Variants in FNIP1 observed in about 807,000 individuals in gnomAD.
FNIP1 encodes folliculin interacting protein 1.
In FNIP1, 40 loss-of-function variants were observed where a neutral mutation model predicts 124.5. The observed-to-expected ratio is 0.32, with a 90% CI of 0.25 to 0.42. The LOEUF (loss-of-function observed/expected upper bound fraction) is 0.42. Among genes scored for constraint, FNIP1 ranks in the 10% least tolerant of loss-of-function variants. The pLI is 1.00. For synonymous variants in FNIP1, 472 were observed against 470.6 expected (o/e 1.00, Z -0.04); for missense variants, 1,176 against 1,403.7 (o/e 0.84, Z 2.59).
At chr5:131,693,343 T>TATATAC (rs1768572227) in intron 11 of FNIP1, among the ~76,000 whole-genome samples, 9 of 129,276 alleles carry the variant, frequency 7.0e-5, no homozygotes, top group Admixed American at 1.6e-4. Context: ...CATATATATA[T>TATATAC]ATATATATAT....
At chr5:131,645,309 C>CAAAA (rs34663555) in intron 17 of FNIP1, among the ~76,000 whole-genome samples, 1 of 132,464 alleles carries the variant, frequency 7.5e-6, no homozygotes, top group Non-Finnish European at 1.6e-5. Context: ...GACCCTGTCT[C>CAAAA]AAAAAAAAAA....
chr5:131,725,762 C>A (rs555055353), intron 3 of FNIP1, among the ~76,000 whole-genome samples: 4 of 152,282 alleles, frequency 2.6e-5, no homozygotes, highest in Admixed American at 2.6e-4. Context: ...AGAGGATATC[C>A]TTATCTTGTG....
chr5:131,791,968 T>G (rs1772419931), intron 1 of FNIP1, among the ~76,000 whole-genome samples: 1 of 152,010 alleles, frequency 6.6e-6, no homozygotes, highest in African/African-American at 2.4e-5. Context: ...GGGCCCAAAC[T>G]AAGTGGTTTT....
chr5:131,790,165 G>A (rs1336119191), intron 1 of FNIP1, among the ~76,000 whole-genome samples: 7 of 152,172 alleles, frequency 4.6e-5, no homozygotes, highest in African/African-American at 1.4e-4. Flanking sequence ...GAACTTGGGG[G>A]AGACAAATTA....
chr5:131,680,171 G>A (rs1261191415), intron 11 of FNIP1, among the ~76,000 whole-genome samples: 1 of 152,166 alleles, frequency 6.6e-6, no homozygotes, highest in Non-Finnish European at 1.5e-5. Flanking sequence ...TGTGGCTGAC[G>A]GCTGAGATTT....
chr5:131,667,493 T>C (rs1041368325), intron 15 of FNIP1, among the ~76,000 whole-genome samples: 2 of 152,222 alleles, frequency 1.3e-5, no homozygotes, highest in Admixed American at 6.5e-5. Flanking sequence ...TTAAACCTTA[T>C]TGGCTAACAA....
At chr5:131,645,182 C>T (rs1337885217) in intron 17 of FNIP1, among the ~76,000 whole-genome samples, 1 of 151,706 alleles carries the variant, frequency 6.6e-6, no homozygotes, top group Non-Finnish European at 1.5e-5. Flanking sequence ...ACTAGCTGGG[C>T]ATGGTGGTGT....
chr5:131,766,538 G>A (rs1487385353), intron 1 of FNIP1, among the ~76,000 whole-genome samples: 1 of 152,230 alleles, frequency 6.6e-6, no homozygotes, highest in African/African-American at 2.4e-5. Flanking sequence ...GGGTTCTCTA[G>A]AGAGGTGGAA....
chr5:131,719,235 G>A, intron 4 of FNIP1, 82 bp downstream of exon 4: 6 of 1,280,458 alleles, frequency 4.7e-6, no homozygotes, highest in Non-Finnish European at 6.6e-6. Flanking sequence ...CAATCTGAGT[G>A]AAGATCATAT....
chr5:131,710,691 A>G, intron 6 of FNIP1, 30 bp from the exon 7 acceptor site: 1 of 1,601,294 alleles, frequency 6.2e-7, no homozygotes, highest in Non-Finnish European at 8.5e-7. Flanking sequence ...AATACACATG[A>G]AAGAGGACTG....
chr5:131,735,776 A>G (rs1770281174), intron 2 of FNIP1, among the ~76,000 whole-genome samples: 1 of 151,428 alleles, frequency 6.6e-6, no homozygotes, highest in South Asian at 2.1e-4. Flanking sequence ...TTTAAGGGGA[A>G]GAAAAACCCT....
chr5:131,690,017 G>A (rs555802120), intron 11 of FNIP1, among the ~76,000 whole-genome samples: 18 of 152,114 alleles, frequency 1.2e-4, no homozygotes, highest in African/African-American at 3.9e-4. Context: ...TCAGGAGATC[G>A]AGGCCATCCT....
intron 5 of FNIP1, among the ~76,000 whole-genome samples, chr5:131,717,960 T>C (rs940038918): frequency 6.6e-6 from 1 of 151,674 alleles, no homozygotes; most frequent in Non-Finnish European, 1.5e-5. Context: ...GGCAGGCAGA[T>C]CACTTGAGGT....
chr5:131,712,780 G>A (rs1413254797), intron 6 of FNIP1, among the ~76,000 whole-genome samples: 1 of 152,140 alleles, frequency 6.6e-6, no homozygotes, highest in Non-Finnish European at 1.5e-5. Flanking sequence ...TTCTAAGTGT[G>A]TAAAGGGTTC....
At chr5:131,792,166 T>TTC (rs1407050135) in intron 1 of FNIP1, among the ~76,000 whole-genome samples, 1 of 151,858 alleles carries the variant, frequency 6.6e-6, no homozygotes, top group African/African-American at 2.4e-5. Flanking sequence ...GGCACTTTTT[T>TTC]TTTTTTTTTT....
In FNIP1 at chr5:131,719,400, A is replaced by C. The variant is rs1161524371; in HGVS notation, c.372T>G (p.Ser124=). The change falls in exon 4 of 18, where the codon TCT becomes TCG. Residue 124 remains serine, a synonymous_variant. Coordinates refer to ENST00000510461, the MANE Select transcript of FNIP1 (RefSeq NM_133372.3). ...TCATCTCTCCAAGCATATTGGCATC[A>C]GAAGAGCACCGAGAACCCTAAACAA... ...CLKYQGSRCS[S]DANMLGEMMF... 1 of 1,612,828 alleles carries C rather than the reference A, an allele frequency of 6.2e-7. No individual in the cohort carries two copies. The highest frequency in any genetic ancestry group is 1.7e-4 in the Middle Eastern group (1 of 6,048).
At chr5:131,653,527 G>A (rs376480062) in intron 15 of FNIP1, among the ~76,000 whole-genome samples, 6 of 148,112 alleles carry the variant, frequency 4.1e-5, no homozygotes, top group East Asian at 4.0e-4. Flanking sequence ...CAACAAGAGC[G>A]AAATTCCGTC....
chr5:131,785,271 T>G (rs750993431), intron 1 of FNIP1, among the ~76,000 whole-genome samples: 14 of 151,142 alleles, frequency 9.3e-5, no homozygotes, highest in Non-Finnish European at 2.1e-4. Context: ...TTTTAACAAG[T>G]AGGCCGGGCA....
At chr5:131,657,736 C>CAAAAAAAAAAAAA (rs59097834) in intron 15 of FNIP1, among the ~76,000 whole-genome samples, 4 of 65,042 alleles carry the variant, frequency 6.1e-5, no homozygotes, top group South Asian at 8.1e-4. Context: ...GAAAATAAGG[C>CAAAAAAAAAAAAA]AAAAAAAAAA....
Sources: allele counts gnomAD v4.1 joint callset (sites outside exome capture counted in the v4.1 genomes callset), GRCh38; gene constraint gnomAD v4.1.1; transcripts MANE v1.5; gene names NCBI Gene and HGNC (gene_info 2026-07-23, HGNC 2026-07-21).